Variants in SCN7A observed in about 807,000 individuals in gnomAD.
The protein encoded by SCN7A is sodium voltage-gated channel alpha subunit 7.
Under a neutral mutation model 155.2 loss-of-function variants are expected in SCN7A, and 138 were observed. The observed-to-expected ratio is 0.89, with a 90% CI of 0.77 to 1.02. The LOEUF (loss-of-function observed/expected upper bound fraction) is 1.02, where lower values mean the gene tolerates loss of function less well. SCN7A is among the 50% of genes least tolerant of loss of function. The probability of loss-of-function intolerance (pLI) is 0.00; values close to 1 mark genes in which losing one functional copy is unlikely to be tolerated. For synonymous variants in SCN7A, 693 were observed against 649.0 expected, an observed-to-expected ratio of 1.07 and a Z score of -1.03; for missense variants, 2,058 against 1,986.6, an observed-to-expected ratio of 1.04 and a Z score of -0.68.
At chr2:166,436,364 C>T (rs762511485) in intron 15 of SCN7A, 6 of 433,394 alleles carry the variant, frequency 1.4e-5, no homozygotes, top group South Asian at 9.8e-5. Flanking sequence ...CTGCACTTCT[C>T]CTTGCTGCTG....
At chr2:166,450,309 G>A (rs1702149619) in intron 11 of SCN7A, among the ~76,000 whole-genome samples, 1 of 152,036 alleles carries the variant, frequency 6.6e-6, no homozygotes. Flanking sequence ...TCGGGCACTG[G>A]GGACTACTAG....
intron 16 of SCN7A, among the ~76,000 whole-genome samples, chr2:166,431,159 A>T (rs1701724494): frequency 6.6e-6 from 1 of 152,098 alleles, no homozygotes. Flanking sequence ...CCAGAAATGG[A>T]TAGTAATCCA....
chr2:166,410,149 T>C (rs1701167911), intron 24 of SCN7A, 71 bp downstream of exon 24: 1 of 1,236,148 alleles, frequency 8.1e-7, no homozygotes, highest in African/African-American at 1.5e-5. Context: ...AAAACATTTG[T>C]TAAGGCTTTA....
chr2:166,474,195 T>A, intron 4 of SCN7A, 31 bp downstream of exon 4: 2 of 1,067,704 alleles, frequency 1.9e-6, no homozygotes, highest in Non-Finnish European at 2.7e-6. Flanking sequence ...TCAGCACAGT[T>A]TAAAGTCAAC....
intron 15 of SCN7A, among the ~76,000 whole-genome samples, chr2:166,439,053 GTGTATA>G (rs1040999578): frequency 7.3e-4 from 63 of 86,100 alleles, no homozygotes; most frequent in African/African-American, 3.2e-3. Context: ...GTGTGTGTGT[GTGTATA>G]TATATATATA....
chr2:166,441,623 A>T lies in SCN7A; in HGVS notation c.1930T>A (p.Phe644Ile), dbSNP rs765245700. The change falls in exon 15 of 26, where the codon TTC (phenylalanine) becomes ATC (isoleucine). Residue 644 changes from phenylalanine to isoleucine, a missense_variant. Transcript: ENST00000643258. ...LFTFIFFSAA[F>I]GMKLFGKNYE... ...TTCTTACCAAACAGCTTCATGCCGA[A>T]TGCAGCAGAAAAGAAGATGAATGTG... 22 of 1,613,812 alleles carry T rather than the reference A, an allele frequency of 1.4e-5. No homozygotes were observed. Among genetic ancestry groups the T allele is most frequent in the Middle Eastern group, 3.3e-4 (2 of 6,082 alleles).
chr2:166,466,107 A>G (rs1575053444), intron 7 of SCN7A, 120 bp from the exon 8 acceptor site: 1 of 678,106 alleles, frequency 1.5e-6, no homozygotes, highest in Admixed American at 2.9e-5. Context: ...TTATAATGTA[A>G]TTCTAATTAT....
intron 10 of SCN7A, among the ~76,000 whole-genome samples, chr2:166,460,327 A>G (rs950395335): frequency 2.0e-5 from 3 of 152,332 alleles, no homozygotes; most frequent in Middle Eastern, 3.4e-3. Flanking sequence ...ATATACAGTG[A>G]TATAGCCCAT....
intron 16 of SCN7A, among the ~76,000 whole-genome samples, chr2:166,431,467 C>A (rs917447639): frequency 6.6e-6 from 1 of 151,962 alleles, no homozygotes; most frequent in Non-Finnish European, 1.5e-5. Flanking sequence ...ACACATTCCC[C>A]GACCCTCCAG....
chr2:166,445,826 T>C (rs1702052213), intron 12 of SCN7A, among the ~76,000 whole-genome samples: 1 of 152,172 alleles, frequency 6.6e-6, no homozygotes, highest in Non-Finnish European at 1.5e-5. Context: ...GCTAGCCATA[T>C]GCAGAAAACA....
chr2:166,450,637 T>C (rs1401166779), intron 11 of SCN7A, among the ~76,000 whole-genome samples: 1 of 151,964 alleles, frequency 6.6e-6, no homozygotes, highest in East Asian at 1.9e-4. Context: ...CTACTAAAAA[T>C]ACAAAAATTA....
chr2:166,430,871 A>G (rs1701719291), intron 16 of SCN7A, among the ~76,000 whole-genome samples: 1 of 152,056 alleles, frequency 6.6e-6, no homozygotes, highest in Admixed American at 6.6e-5. Flanking sequence ...TGGGTATATC[A>G]ATATCCTAAG....
At chr2:166,464,964 A>G (rs1702495981) in intron 9 of SCN7A, among the ~76,000 whole-genome samples, 1 of 152,148 alleles carries the variant, frequency 6.6e-6, no homozygotes, top group Non-Finnish European at 1.5e-5. Context: ...CACATTGCAT[A>G]CTTCTGCTAT....
Position 166,416,200 on chromosome 2 carries a change from T to C in SCN7A, c.3414+507A>G, listed in dbSNP as rs530993415. 2.0e-5 allele frequency among the ~76,000 whole-genome samples: 3 copies of C among 152,258 alleles called. No homozygotes were observed. The East Asian group carries it at 5.8e-4, about 30-fold the overall frequency. On this transcript the variant is annotated intron_variant, in intron 21 of 25. Transcript: ENST00000643258. ...TTCTCTGCTCTCGAACCCTGTTTTC[T>C]GTTAAGATGTTTATCAAGACAATAT...
At chr2:166,474,542 T>G (rs959852597) in intron 3 of SCN7A, among the ~76,000 whole-genome samples, 198 bp from the exon 4 acceptor site, 8 of 151,776 alleles carry the variant, frequency 5.3e-5, no homozygotes, top group Admixed American at 4.6e-4. Context: ...TGCCTATTTA[T>G]CTACCATTTT....
chr2:166,426,456 A>C (rs1055848705), intron 18 of SCN7A, among the ~76,000 whole-genome samples: 1 of 152,060 alleles, frequency 6.6e-6, no homozygotes, highest in African/African-American at 2.4e-5. Context: ...TATGTCTCCT[A>C]CTAAAATTCA....
At chr2:166,457,789 TTATAAG>T (rs746667669) in intron 10 of SCN7A, among the ~76,000 whole-genome samples, 20 of 152,278 alleles carry the variant, frequency 1.3e-4, no homozygotes, top group South Asian at 6.2e-4. Context: ...ATTTAAAAAA[TTATAAG>T]TATAACATTA....
At position 166,441,478 on chromosome 2, in the gene SCN7A, G is replaced by C; in HGVS notation, c.2075C>G (p.Thr692Ser). The C allele has an allele frequency of 6.2e-7, 1 of 1,613,994 alleles. No homozygotes were observed. The highest frequency in any genetic ancestry group is 8.5e-7 in the Non-Finnish European group (1 of 1,179,958). The change falls in exon 15 of 26, where the codon ACC becomes AGC. Residue 692 changes from threonine to serine, a missense_variant. Thr to Ser is a moderately conservative substitution (Grantham distance 58, BLOSUM62 1). Transcript: ENST00000643258. ...TGCAACCTCCATACAGTCCCACAAGGTCTCTACCCACTCTCCACAGAGAAT... is the reference window on the plus strand; with the variant it reads ...TGCAACCTCCATACAGTCCCACAAGCTCTCTACCCACTCTCCACAGAGAAT... The part of the protein sequence containing the change: ...FRILCGEWVE[T>S]LWDCMEVAGQ...
intron 3 of SCN7A, 49 bp downstream of exon 3, chr2:166,477,414 G>T: frequency 8.7e-7 from 1 of 1,144,640 alleles, no homozygotes; most frequent in South Asian, 1.9e-5. Context: ...TGTATGTCTG[G>T]AAATAAAATA....
Sources: allele counts gnomAD v4.1 joint callset (sites outside exome capture counted in the v4.1 genomes callset), GRCh38; gene constraint gnomAD v4.1.1; transcripts MANE v1.5; gene names NCBI Gene and HGNC (gene_info 2026-07-23, HGNC 2026-07-21).